Variants in TRA2B observed in about 807,000 individuals in gnomAD.
TRA2B encodes transformer-2 protein homolog beta.
A neutral mutation model predicts 41.7 loss-of-function variants in TRA2B; 14 were observed. The ratio of observed to expected loss-of-function variants is 0.34; its 90% CI spans 0.22 to 0.53. TRA2B has a LOEUF of 0.53. Among genes scored for constraint, TRA2B ranks in the 20% least tolerant of loss-of-function variants. The pLI, the probability that TRA2B is intolerant of heterozygous loss-of-function variation, is 0.95. For missense variants in TRA2B, 167 were observed against 396.8 expected (o/e 0.42, Z 4.92); for synonymous variants, 130 against 128.8 (o/e 1.01, Z -0.06).
chr3:185,922,400 T>A (rs1743776185), intron 4 of TRA2B: 1 of 255,612 alleles, frequency 3.9e-6, no homozygotes, highest in African/African-American at 2.2e-5. Context: ...TGGCAAACTA[T>A]AGCCTGTAGG....
chr3:185,920,961 G>T, intron 6 of TRA2B, 143 bp downstream of exon 6: 2 of 535,936 alleles, frequency 3.7e-6, no homozygotes, highest in African/African-American at 3.8e-5. Flanking sequence ...CAGAACCTTA[G>T]AATCTGATTT....
At chr3:185,935,778 C>T (rs1744326882) in intron 1 of TRA2B, 4 of 985,266 alleles carry the variant, frequency 4.1e-6, no homozygotes, top group African/African-American at 1.7e-5. Context: ...CAGGTGTATT[C>T]CAACCCTTAA....
intron 1 of TRA2B, chr3:185,935,899 A>G (rs777276116): frequency 4.6e-5 from 45 of 984,276 alleles, no homozygotes; most frequent in Admixed American, 1.2e-4. Flanking sequence ...CTTATGTAAG[A>G]AAAAAAACTC....
At chr3:185,935,299 T>G in intron 1 of TRA2B, 1 of 985,372 alleles carries the variant, frequency 1.0e-6, no homozygotes, top group Non-Finnish European at 1.2e-6. Flanking sequence ...GCCTGCTAAT[T>G]AGACCCCTAT....
At chr3:185,921,570 C>G (rs1052596000) in intron 5 of TRA2B, among the ~76,000 whole-genome samples, 3 of 152,134 alleles carry the variant, frequency 2.0e-5, no homozygotes, top group African/African-American at 7.2e-5. Flanking sequence ...CGAGAACATC[C>G]TGGCTAACAT....
intron 5 of TRA2B, among the ~76,000 whole-genome samples, chr3:185,921,775 AAAAC>A (rs1743747228): frequency 6.6e-6 from 1 of 152,134 alleles, no homozygotes; most frequent in African/African-American, 2.4e-5. Context: ...AAACAAAACA[AAAAC>A]AAAACCAAAC....
chr3:185,917,789 G>A, intron 8 of TRA2B, 64 bp from the exon 9 acceptor site: 9 of 1,542,474 alleles, frequency 5.8e-6, no homozygotes, highest in Non-Finnish European at 8.0e-6. Flanking sequence ...ATACTTTAAT[G>A]CCGAGAATTT....
Position 185,914,635 on chromosome 3 carries a change from TTTACA to T in TRA2B, c.*3075_*3079del, listed in dbSNP as rs376257973. Among the ~76,000 whole-genome samples the T allele has an allele frequency of 5.4e-4, 82 of 152,216 alleles. No individual in the cohort carries two copies. Among genetic ancestry groups the T allele is most frequent in the African/African-American group, 1.8e-3 (76 of 41,540 alleles). ...TCCTTTACACTATATACAATAATCC[TTTACA>T]TTACTGTAGTAGCATTCTGGCTTTT... On this transcript the variant is annotated 3_prime_UTR_variant, in exon 9 of 9. Transcript: ENST00000453386.
In TRA2B at chr3:185,925,584, TGACCGG is replaced by T; in HGVS notation, c.207_212del (p.Arg76_Ser77del). On this transcript the variant is annotated inframe_deletion, in exon 3 of 9. Transcript: ENST00000453386. ...GTCTATGGGAGCGGGAGCGAGACCG[TGACCGG>T]GTATAATGCCTTCGGGAGCTTCTTC... 1 of 1,614,144 alleles carries T rather than the reference TGACCGG, an allele frequency of 6.2e-7. No individual in the cohort carries two copies. The highest frequency in any genetic ancestry group is 8.5e-7 in the Non-Finnish European group (1 of 1,180,006).
rs184563069 is a variant in TRA2B at position 185,936,942 on chromosome 3, T to C, written c.36+883A>G. The C allele has an allele frequency of 1.0e-4, 103 of 985,356 alleles. No individual in the cohort carries two copies. The African/African-American group carries it at 1.6e-3, about 16-fold the overall frequency. 61.0% of individuals were successfully genotyped at this position (985,356 alleles called of 1,614,324 possible). On this transcript the variant is annotated intron_variant, in intron 1 of 8. Coordinates refer to ENST00000453386, the MANE Select transcript of TRA2B (RefSeq NM_004593.3). ...GGTGGAAACTTAAGGGAAAGAAAACTGTAGCCAACACACGCTGTGGTTCTA... is the reference window on the plus strand; with the variant it reads ...GGTGGAAACTTAAGGGAAAGAAAACCGTAGCCAACACACGCTGTGGTTCTA...
At chr3:185,925,721 TC>T in intron 2 of TRA2B, 95 bp from the exon 3 acceptor site, 1 of 1,267,660 alleles carries the variant, frequency 7.9e-7, no homozygotes, top group South Asian at 1.8e-5. Flanking sequence ...GAGGGAACAA[TC>T]CAGGAATATG....
At position 185,937,908 on chromosome 3, in the gene TRA2B, A is replaced by C; in HGVS notation, c.-48T>G. On this transcript the variant is annotated 5_prime_UTR_variant, in exon 1 of 9. Transcript: ENST00000453386. Reference sequence around the variant, plus strand: ...TCGATGTGCTTCAATCGAAGCTGCCAACCTCTTGCACCTTCCTTAAGGAGG... The same window carrying C: ...TCGATGTGCTTCAATCGAAGCTGCCCACCTCTTGCACCTTCCTTAAGGAGG... The C allele has an allele frequency of 6.2e-7, 1 of 1,611,344 alleles. No individual in the cohort carries two copies.
At chr3:185,932,892 T>C (rs1411965010) in intron 1 of TRA2B, among the ~76,000 whole-genome samples, 1 of 152,214 alleles carries the variant, frequency 6.6e-6, no homozygotes, top group East Asian at 1.9e-4. Flanking sequence ...CAAGTCTTTA[T>C]ACCTATCTGG....
Position 185,936,816 on chromosome 3 carries a change from T to G in TRA2B, c.36+1009A>C, listed in dbSNP as rs577695352. The G allele has an allele frequency of 3.0e-6, 3 of 985,350 alleles. No individual in the cohort carries two copies. In the South Asian group the frequency reaches 1.4e-4, roughly 46 times the overall value. 61.0% of individuals were successfully genotyped at this position (985,350 alleles called of 1,614,324 possible). A position where few individuals can be genotyped will look rare whatever the true frequency, so the allele number is the denominator to read the frequency against. On this transcript the variant is annotated intron_variant, in intron 1 of 8. Transcript: ENST00000453386. Reference sequence around the variant, plus strand: ...TTCGCATCATTCAATGCTTTCCGAATCCAATACCCAGAGCCCCACAGACCA... The same window carrying G: ...TTCGCATCATTCAATGCTTTCCGAAGCCAATACCCAGAGCCCCACAGACCA...
At chr3:185,921,522 T>C (rs1743733497) in intron 5 of TRA2B, among the ~76,000 whole-genome samples, 1 of 152,158 alleles carries the variant, frequency 6.6e-6, no homozygotes, top group South Asian at 2.1e-4. Context: ...CCCAGCTCTT[T>C]GGGAGGCCGA....
At chr3:185,922,586 G>A (rs1005016415) in intron 4 of TRA2B, 2 of 152,528 alleles carry the variant, frequency 1.3e-5, no homozygotes, top group Non-Finnish European at 1.5e-5. Context: ...CTGCTGTTGG[G>A]TTAAAACAAC....
intron 6 of TRA2B, 134 bp from the exon 7 acceptor site, chr3:185,919,630 C>T (rs527412134): frequency 2.9e-6 from 2 of 685,584 alleles, no homozygotes; most frequent in East Asian, 2.9e-5. Context: ...GATTTGCCAC[C>T]CTTTTTAGAA....
intron 1 of TRA2B, among the ~76,000 whole-genome samples, chr3:185,933,812 T>G (rs1008946477): frequency 5.9e-5 from 9 of 152,140 alleles, no homozygotes; most frequent in Admixed American, 3.3e-4. Flanking sequence ...CTGTTAAATT[T>G]ACATTCATAA....
chr3:185,931,456 TA>T, intron 1 of TRA2B: 1 of 687,352 alleles, frequency 1.5e-6, no homozygotes, highest in Non-Finnish European at 1.8e-6. Context: ...CAGAATTACC[TA>T]ATTTAAACGT....
Sources: gnomAD v4.1 joint callset for allele counts (sites outside exome capture counted in the v4.1 genomes callset) on GRCh38, gnomAD v4.1.1 for gene constraint, MANE v1.5 for transcripts, NCBI Gene and HGNC (gene_info 2026-07-23, HGNC 2026-07-21) for gene names.